The following SCARA3 variants were observed in gnomAD, a reference collection of about 807,000 sequenced individuals.
SCARA3 encodes scavenger receptor class A member 3.
A neutral mutation model predicts 47.0 loss-of-function variants in SCARA3; 39 were observed. The ratio of observed to expected loss-of-function variants is 0.83; its 90% CI spans 0.64 to 1.08. SCARA3 has a LOEUF of 1.08. SCARA3 is among the 50% of genes least tolerant of loss of function. SCARA3 has a pLI of 0.00. For synonymous variants in SCARA3, 356 were observed against 334.1 expected, an observed-to-expected ratio of 1.07 and a Z score of -0.71; for missense variants, 724 against 792.3, an observed-to-expected ratio of 0.91 and a Z score of 1.04.
At chr8:27,642,081 C>T (rs1399034625) in intron 1 of SCARA3, among the ~76,000 whole-genome samples, 1 of 152,158 alleles carries the variant, frequency 6.6e-6, no homozygotes, top group African/African-American at 2.4e-5. Context: ...TTTCAAAATG[C>T]TTACTATGTG....
chr8:27,696,616 A>ATTTTTT, the SCARA3 span, among the ~76,000 whole-genome samples: 2 of 134,202 alleles, frequency 1.5e-5, no homozygotes, highest in East Asian at 2.2e-4. Context: ...CACCTGGCTA[A>ATTTTTT]TTTTTTTTTT....
Position 27,658,560 on chromosome 8 carries a change from A to G in SCARA3, c.390A>G (p.Arg130=), listed in dbSNP as rs1189127432. ...CTGGGCAGCTGGGGCCAGAGATCCG[A>G]AAACTGCAGGAGGAGCTGGAGGGAA... ...HEAGQLGPEI[R]KLQEELEGIQ... Residue 130 remains arginine (R), a synonymous_variant, in exon 5 of 6, where the codon CGA becomes CGG. Transcript: ENST00000301904. The G allele has an allele frequency of 6.2e-7, 1 of 1,613,972 alleles. No homozygotes were observed. The highest frequency in any genetic ancestry group is 1.7e-5 in the Admixed American group (1 of 60,012).
intron 1 of SCARA3, among the ~76,000 whole-genome samples, chr8:27,641,506 C>G (rs759547834): frequency 2.6e-5 from 4 of 152,230 alleles, no homozygotes; most frequent in Non-Finnish European, 5.9e-5. Flanking sequence ...CCCTCTGACA[C>G]TCTCCTGCAG....
At chr8:27,660,532 GAGAT>G (rs11374289) in intron 5 of SCARA3, among the ~76,000 whole-genome samples, 48,813 of 147,458 alleles carry the variant, frequency 0.33, 8,946 homozygotes, top group South Asian at 0.5. Context: ...AGATAGAGAT[GAGAT>G]AGATAGATAG....
chr8:27,715,199 T>C, the SCARA3 span, among the ~76,000 whole-genome samples: 4 of 152,206 alleles, frequency 2.6e-5, no homozygotes, highest in Non-Finnish European at 5.9e-5. This position sits in a 1 kb window ranked among gnomAD's most constrained non-coding sequence, Gnocchi z 4.2. Context: ...GTGTTGGGAT[T>C]ACAGGCATCA....
At chr8:27,683,156 G>A in the SCARA3 span, among the ~76,000 whole-genome samples, 1 of 152,090 alleles carries the variant, frequency 6.6e-6, no homozygotes, top group African/African-American at 2.4e-5. Flanking sequence ...AAAACAAAAT[G>A]TGCTGACTGA....
chr8:27,685,531 T>G, the SCARA3 span, among the ~76,000 whole-genome samples: 13 of 152,238 alleles, frequency 8.5e-5, no homozygotes, highest in African/African-American at 1.9e-4. Context: ...ATTTAGTAAA[T>G]TGAGCATGCA....
At chr8:27,657,702 G>T (rs1196988457) in intron 4 of SCARA3, among the ~76,000 whole-genome samples, 1 of 151,226 alleles carries the variant, frequency 6.6e-6, no homozygotes, top group East Asian at 2.0e-4. Flanking sequence ...CAGCATGCCC[G>T]GCTAATTTTT....
chr8:27,725,530 A>AAC, the SCARA3 span, among the ~76,000 whole-genome samples: 1 of 38,000 alleles, frequency 2.6e-5, no homozygotes, highest in African/African-American at 1.2e-4. Context: ...TGCCCCCTCC[A>AAC]AAAAAAAAAA....
chr8:27,681,592 T>C (rs1010557490), downstream of SCARA3, among the ~76,000 whole-genome samples: 1 of 152,016 alleles, frequency 6.6e-6, no homozygotes, highest in Non-Finnish European at 1.5e-5. Context: ...TGTGGTGGCA[T>C]GCACCTGTAG....
At chr8:27,651,281 G>A (rs1450994280) in intron 2 of SCARA3, among the ~76,000 whole-genome samples, 1 of 152,252 alleles carries the variant, frequency 6.6e-6, no homozygotes, top group African/African-American at 2.4e-5. Flanking sequence ...TGATGGTAGT[G>A]CTGGGGGCTG....
chr8:27,729,570 T>G, the SCARA3 span, among the ~76,000 whole-genome samples: 3 of 152,172 alleles, frequency 2.0e-5, no homozygotes, highest in Admixed American at 1.3e-4. Flanking sequence ...GCGGGCGGAT[T>G]GCCTGAGCTC....
the SCARA3 span, among the ~76,000 whole-genome samples, chr8:27,704,797 A>G: frequency 2.0e-5 from 3 of 152,106 alleles, no homozygotes; most frequent in Non-Finnish European, 2.9e-5. Context: ...TGGGCACCTC[A>G]TTTCAGAAGC....
the SCARA3 span, among the ~76,000 whole-genome samples, chr8:27,684,147 G>C: frequency 6.6e-6 from 1 of 152,076 alleles, no homozygotes; most frequent in Admixed American, 6.5e-5. Flanking sequence ...TCTACATTTG[G>C]TAAAACATAT....
Position 27,671,282 on chromosome 8 carries a change from ACCAGGGAT to A in SCARA3, c.1759_1766del (p.Ile587SerfsTer52). ...GGGGGGCCATGGGGCCTAAGGGTGA[ACCAGGGAT>A]CCAGGGTCCCCCTGGTCTCCCGGGG... On this transcript the variant is annotated frameshift_variant, in exon 6 of 6. Transcript: ENST00000301904. LOFTEE classifies it high-confidence loss of function. 4 of 1,446,604 alleles carry A rather than the reference ACCAGGGAT, an allele frequency of 2.8e-6. 1 individual carries two copies. The South Asian group carries it at 6.0e-5, about 22-fold the overall frequency. 89.6% of individuals were successfully genotyped at this position (1,446,604 alleles called of 1,614,324 possible). A position where few individuals can be genotyped will look rare whatever the true frequency, so the allele number is the denominator to read the frequency against.
intron 5 of SCARA3, among the ~76,000 whole-genome samples, chr8:27,665,035 G>T (rs973306343): frequency 6.6e-6 from 1 of 152,208 alleles, no homozygotes; most frequent in African/African-American, 2.4e-5. Flanking sequence ...GCACAGACAG[G>T]CTGTGACACA....
At chr8:27,726,950 T>A in the SCARA3 span, among the ~76,000 whole-genome samples, 3 of 151,972 alleles carry the variant, frequency 2.0e-5, no homozygotes, top group Non-Finnish European at 2.9e-5. Context: ...ATTTTTGTAT[T>A]TTTAGTAGAG....
intron 5 of SCARA3, among the ~76,000 whole-genome samples, chr8:27,660,464 G>T (rs1171928888): frequency 2.6e-5 from 4 of 151,010 alleles, no homozygotes; most frequent in African/African-American, 9.7e-5. Context: ...ATAGTGTATA[G>T]AGATAGATGA....
the SCARA3 span, among the ~76,000 whole-genome samples, chr8:27,731,284 GA>G: frequency 1.3e-5 from 2 of 151,176 alleles, no homozygotes; most frequent in Non-Finnish European, 2.9e-5. Flanking sequence ...TTATTTTGTA[GA>G]GAGAGGGTCT....
Sources: gnomAD v4.1 joint callset for allele counts (sites outside exome capture counted in the v4.1 genomes callset) on GRCh38, gnomAD v4.1.1 for gene constraint, Gnocchi (gnomAD v3.1) non-coding constraint, MANE v1.5 for transcripts, NCBI Gene and HGNC (gene_info 2026-07-23, HGNC 2026-07-21) for gene names.